CGNL1: variants seen among roughly 807,000 people sequenced by gnomAD.
CGNL1 encodes the protein cingulin-like protein 1.
In CGNL1, 132 loss-of-function variants were observed where a neutral mutation model predicts 141.2. The observed-to-expected ratio is 0.93, with a 90% confidence interval of 0.81 to 1.08. CGNL1 has a LOEUF of 1.08. Ranked by LOEUF, CGNL1 falls within the 50% of genes least tolerant of loss-of-function variation. CGNL1 has a pLI of 0.00. For missense variants in CGNL1, 1,870 were observed against 1,588.6 expected (o/e 1.18, Z -3.01); for synonymous variants, 690 against 622.1 (o/e 1.11, Z -1.63).
intron 1 of CGNL1, chr15:57,397,250 A>G (rs1208604655): frequency 6.6e-6 from 1 of 152,184 alleles, no homozygotes; most frequent in Non-Finnish European, 1.5e-5. Flanking sequence ...GGCATTTGTA[A>G]ACCATTGCTG....
chr15:57,440,615 C>T (rs1198497721), intron 3 of CGNL1, 144 bp downstream of exon 3: 12 of 653,560 alleles, frequency 1.8e-5, no homozygotes, highest in South Asian at 7.3e-5. Context: ...CTGGGGTTTT[C>T]GTGACGGCAT....
At chr15:57,485,841 A>T (rs1406708532) in intron 8 of CGNL1, among the ~76,000 whole-genome samples, 1 of 152,122 alleles carries the variant, frequency 6.6e-6, no homozygotes, top group East Asian at 1.9e-4. Flanking sequence ...CCATTCTTTG[A>T]TGGCAGCAGC....
intron 3 of CGNL1, among the ~76,000 whole-genome samples, 192 bp from the exon 4 acceptor site, chr15:57,442,181 T>TG (rs1313064622): frequency 2.2e-3 from 45 of 20,616 alleles, no homozygotes; most frequent in Admixed American, 6.1e-3. Flanking sequence ...ATCATTTATT[T>TG]GAAAAAAAAA....
At chr15:57,504,441 A>G (rs2064072026) in intron 8 of CGNL1, among the ~76,000 whole-genome samples, 1 of 152,148 alleles carries the variant, frequency 6.6e-6, no homozygotes, top group African/African-American at 2.4e-5. Flanking sequence ...TGAACTCCAG[A>G]TTTTGTTTTT....
chr15:57,420,282 G>T (rs2062899155), intron 1 of CGNL1, among the ~76,000 whole-genome samples: 1 of 152,230 alleles, frequency 6.6e-6, no homozygotes, highest in Non-Finnish European at 1.5e-5. Context: ...GAGTACTGTT[G>T]TTTCTAGGTG....
chr15:57,469,191 G>A (rs1330421947), intron 8 of CGNL1, among the ~76,000 whole-genome samples: 4 of 151,912 alleles, frequency 2.6e-5, no homozygotes, highest in Non-Finnish European at 5.9e-5. Context: ...AGGAGACCCC[G>A]CAGGGAGCAT....
In CGNL1 at chr15:57,439,488, G is replaced by T; in HGVS notation, c.1489G>T (p.Val497Leu). 1 of 1,614,210 alleles carries T rather than the reference G, an allele frequency of 6.2e-7. No homozygotes were observed. The highest frequency in any genetic ancestry group is 8.5e-7 in the Non-Finnish European group (1 of 1,180,032). Residue 497 changes from valine (V) to leucine (L), a missense_variant, in exon 2 of 19, where the codon GTG (valine) becomes TTG (leucine). Transcript: ENST00000281282. ...LGAQSKKEEE[V>L]KTATATLMLQ... Reference sequence around the variant, plus strand: ...TGCACAGAGTAAAAAGGAGGAGGAGGTGAAAACAGCCACCGCTACGCTGAT... The same window carrying T: ...TGCACAGAGTAAAAAGGAGGAGGAGTTGAAAACAGCCACCGCTACGCTGAT...
rs1424889522 is a variant in CGNL1 at position 57,460,167 on chromosome 15, A to G, written c.2191-1513A>G. On this transcript the variant is annotated intron_variant, in intron 7 of 18. Coordinates refer to ENST00000281282, the MANE Select transcript of CGNL1 (RefSeq NM_032866.5). ...CAGGAGTCTGTGTTATCTTGGCACT[A>G]CAAGAAAGAAGGGCATCTTAGAGAG... 2.0e-5 allele frequency among the ~76,000 whole-genome samples: 3 copies of G among 152,324 alleles called. No homozygotes were observed. The East Asian group carries it at 5.8e-4, about 29-fold the overall frequency.
chr15:57,403,880 A>G (rs868497578), intron 1 of CGNL1, among the ~76,000 whole-genome samples: 40 of 152,264 alleles, frequency 2.6e-4, no homozygotes, highest in Middle Eastern at 3.4e-3. Context: ...CTTTTAGAAG[A>G]CAGATGCACA....
intron 4 of CGNL1, among the ~76,000 whole-genome samples, 189 bp from the exon 5 acceptor site, chr15:57,451,311 G>A (rs2063318987): frequency 6.6e-6 from 1 of 152,134 alleles, no homozygotes; most frequent in African/African-American, 2.4e-5. Flanking sequence ...TCCCAAGGCA[G>A]GCAGTAACAT....
At chr15:57,387,392 G>C (rs1364734917) in intron 1 of CGNL1, among the ~76,000 whole-genome samples, 2 of 152,104 alleles carry the variant, frequency 1.3e-5, no homozygotes, top group Non-Finnish European at 2.9e-5. Flanking sequence ...TTTCTTCATT[G>C]ATTTTGATCC....
intron 1 of CGNL1, among the ~76,000 whole-genome samples, chr15:57,395,774 A>C (rs1214172431): frequency 6.6e-6 from 1 of 152,242 alleles, no homozygotes; most frequent in African/African-American, 2.4e-5. Flanking sequence ...TTCATTTTCA[A>C]ATGTAGAAAC....
chr15:57,526,982 A>G (rs1219119891), intron 12 of CGNL1, among the ~76,000 whole-genome samples: 1 of 152,214 alleles, frequency 6.6e-6, no homozygotes, highest in Non-Finnish European at 1.5e-5. Context: ...TTTGATTCTC[A>G]TAATAGCTTT....
At chr15:57,514,308 C>A (rs1430470162) in intron 8 of CGNL1, among the ~76,000 whole-genome samples, 1 of 152,010 alleles carries the variant, frequency 6.6e-6, no homozygotes, top group South Asian at 2.1e-4. Flanking sequence ...TGCACCACCA[C>A]ACCTGGCTGA....
chr15:57,523,601 G>T lies in CGNL1; in HGVS notation c.2828G>T (p.Arg943Leu), dbSNP rs745848899. 5.6e-6 allele frequency: 9 copies of T among 1,614,032 alleles called. No homozygotes were observed. Among genetic ancestry groups the T allele is most frequent in the Non-Finnish European group, 7.6e-6 (9 of 1,180,032 alleles). The part of the protein sequence containing the change: ...RRLKNEMENE[R>L]WHLGKTIEKL... ...TTGAAGAACGAGATGGAGAATGAGC[G>T]GTGGCACCTGGGCAAAACCATTGAG... The change falls in exon 11 of 19, where the codon CGG becomes CTG. Residue 943 changes from arginine to leucine, a missense_variant. Physicochemically the swap from Arg to Leu is moderately radical, Grantham distance 102. Transcript: ENST00000281282.
In CGNL1 at chr15:57,515,670, A is replaced by G. The variant is rs375535610; in HGVS notation, c.2404-1110A>G. Among the ~76,000 whole-genome samples, 69 of 152,340 alleles carry G rather than the reference A, an allele frequency of 4.5e-4. No individual in the cohort carries two copies. The South Asian group carries it at 4.8e-3, about 11-fold the overall frequency. On this transcript the variant is annotated intron_variant, in intron 8 of 18. Coordinates refer to ENST00000281282, the MANE Select transcript of CGNL1 (RefSeq NM_032866.5). ...ACTTCAAATTGCTAAACCGAAGAATACAAAGCCCCTGTGACCTCTGGAATC... is the reference window on the plus strand; with the variant it reads ...ACTTCAAATTGCTAAACCGAAGAATGCAAAGCCCCTGTGACCTCTGGAATC...
chr15:57,519,760 G>C (rs546730370), intron 10 of CGNL1, among the ~76,000 whole-genome samples: 1 of 152,110 alleles, frequency 6.6e-6, no homozygotes, highest in African/African-American at 2.4e-5. Context: ...GAGCTGGTTG[G>C]GGGGCAGAAA....
chr15:57,526,857 G>A (rs1402140856), intron 12 of CGNL1, among the ~76,000 whole-genome samples: 4 of 152,116 alleles, frequency 2.6e-5, no homozygotes, highest in Admixed American at 2.6e-4. Context: ...GTGCTGAGCA[G>A]TGGAGGAGGG....
rs543095717 is a variant in CGNL1, at chr15:57,454,637, G to A, written c.2190+819G>A. 4.4e-4 allele frequency among the ~76,000 whole-genome samples: 67 copies of A among 152,210 alleles called. 2 individuals are homozygous for A. The South Asian group carries it at 0.014, about 31-fold the overall frequency. On this transcript the variant is annotated intron_variant, in intron 7 of 18. Transcript: ENST00000281282. Reference sequence around the variant, plus strand: ...TCTCATGAATCCATTTTTCACATTGGCAGAGGAGGGTGATTGCCTCTTCTC... The same window carrying A: ...TCTCATGAATCCATTTTTCACATTGACAGAGGAGGGTGATTGCCTCTTCTC...
Sources: gnomAD v4.1 joint callset for allele counts (sites outside exome capture counted in the v4.1 genomes callset) on GRCh38, gnomAD v4.1.1 for gene constraint, MANE v1.5 for transcripts, NCBI Gene and HGNC (gene_info 2026-07-23, HGNC 2026-07-21) for gene names.